PIEZO1: variants seen among roughly 807,000 people sequenced by gnomAD.
PIEZO1 encodes the protein piezo-type mechanosensitive ion channel component 1.
Under a neutral mutation model 297.2 loss-of-function variants are expected in PIEZO1, and 296 were observed. That is an observed-to-expected ratio of 1.00 (90% confidence interval 0.91 to 1.10). The LOEUF (loss-of-function observed/expected upper bound fraction) is 1.10, where lower values mean the gene tolerates loss of function less well. Ranked by LOEUF, PIEZO1 falls within the 50% of genes least tolerant of loss-of-function variation. The probability of loss-of-function intolerance (pLI) is 0.00; values close to 1 mark genes in which losing one functional copy is unlikely to be tolerated. For missense variants in PIEZO1, 5,018 were observed against 3,455.5 expected (o/e 1.45, Z -11.34); for synonymous variants, 2,427 against 1,507.5 (o/e 1.61, Z -14.13).
chr16:88,778,655 C>T (rs1268736824), intron 1 of PIEZO1, among the ~76,000 whole-genome samples: 2 of 152,192 alleles, frequency 1.3e-5, no homozygotes, highest in Non-Finnish European at 2.9e-5. Context: ...CCCCATGGGC[C>T]CGGCACCAGC....
rs1220937049 is a variant in PIEZO1, at chr16:88,733,709, A to C, written c.2366T>G (p.Leu789Arg). ...AKWGLVAERL[L>R]ELAAGFSDVL... ...GTCCGAGAAGCCGGCTGCCAGCTCC[A>C]GCAGCCGCTCAGCCACCAGGCCCCA... The change falls in exon 18 of 51, where the codon CTG becomes CGG. Residue 789 changes from leucine (L) to arginine (R), a missense_variant. Transcript: ENST00000301015. 3 of 1,548,438 alleles carry C rather than the reference A, an allele frequency of 1.9e-6. No individual in the cohort carries two copies. The highest frequency in any genetic ancestry group is 2.6e-6 in the Non-Finnish European group (3 of 1,145,908).
At position 88,732,737 on chromosome 16, in the gene PIEZO1, C is replaced by G; in HGVS notation, c.2665-5G>C. On this transcript the variant is annotated splice_polypyrimidine_tract_variant and splice_region_variant and intron_variant, in intron 19 of 50. Transcript: ENST00000301015. ...GTTGGTGCTGTTGGGGAAGGGCTGG[C>G]AAGAGGCCAGGCATCAGTGCCCCCT... The G allele has an allele frequency of 6.5e-7, 1 of 1,542,222 alleles. No individual in the cohort carries two copies. The highest frequency in any genetic ancestry group is 8.8e-7 in the Non-Finnish European group (1 of 1,142,274).
chr16:88,716,381 C>G lies in PIEZO1; in HGVS notation c.7029G>C (p.Glu2343Asp). 2 of 1,545,420 alleles carry G rather than the reference C, an allele frequency of 1.3e-6. No individual in the cohort carries two copies. Among genetic ancestry groups the G allele is most frequent in the African/African-American group, 1.4e-5 (1 of 73,096 alleles). The part of the protein sequence containing the change: ...TARRQLASLL[E>D]GTSDQSVVIP... ...CTCACACAGACTGGTCCGAGGTGCCCTCGAGCAGGCTGGCCAGCTGCCGCC... is the reference window on the plus strand; with the variant it reads ...CTCACACAGACTGGTCCGAGGTGCCGTCGAGCAGGCTGGCCAGCTGCCGCC... The change falls in exon 48 of 51, where the codon GAG (glutamate) becomes GAC (aspartate). Residue 2343 changes from glutamate to aspartate, a missense_variant. By Grantham distance (45) the Glu-to-Asp change is conservative. Transcript: ENST00000301015.
rs992621550 is a variant in PIEZO1, at chr16:88,721,954, G to A, written c.5068C>T (p.Leu1690Phe). 77 of 1,550,016 alleles carry A rather than the reference G, an allele frequency of 5.0e-5. No individual in the cohort carries two copies. Among genetic ancestry groups the A allele is most frequent in the Admixed American group, 3.5e-4 (18 of 50,990 alleles). ...YQCVAAHSEL[L>F]CYFIIILNHM... ...TTGAGGATGATGATGAAGTAGCAGAGCAGCTCCGAGTGGGCGGCCACACAC... is the reference window on the plus strand; with the variant it reads ...TTGAGGATGATGATGAAGTAGCAGAACAGCTCCGAGTGGGCGGCCACACAC... The change falls in exon 37 of 51, where the codon CTC (leucine) becomes TTC (phenylalanine). Residue 1690 changes from leucine to phenylalanine, a missense_variant. Leu to Phe is a conservative substitution (Grantham distance 22). Transcript: ENST00000301015.
intron 44 of PIEZO1, 85 bp from the exon 45 acceptor site, chr16:88,717,296 C>G (rs1912119998): frequency 1.6e-6 from 2 of 1,258,892 alleles, no homozygotes; most frequent in East Asian, 5.1e-5. Context: ...ACCCAGCAGC[C>G]CAGAAAAGCC....
At chr16:88,730,593 A>C (rs1904736089) in intron 22 of PIEZO1, among the ~76,000 whole-genome samples, 1 of 76,436 alleles carries the variant, frequency 1.3e-5, no homozygotes, top group Non-Finnish European at 2.3e-5. Context: ...GCAAGACTCC[A>C]TCTCAAAAAA....
rs907095803 is a variant in PIEZO1, at chr16:88,716,064, C to T, written c.7185G>A (p.Ala2395=). The change falls in exon 50 of 51, where the codon GCG becomes GCA. Residue 2395 remains alanine (A), a synonymous_variant. Transcript: ENST00000301015. ...VRIQLRREQG[A]GATGFLEWWV... is the part of the protein sequence containing the mutation. ...ACCATTCGAGGAAGCCGGTGGCCCC[C>T]GCACCCTGCTCCCTCCGCAGCTGGA... 39 of 1,550,046 alleles carry T rather than the reference C, an allele frequency of 2.5e-5. No homozygotes were observed. Among genetic ancestry groups the T allele is most frequent in the Non-Finnish European group, 3.1e-5 (35 of 1,146,876 alleles).
intron 1 of PIEZO1, among the ~76,000 whole-genome samples, chr16:88,776,925 G>C (rs896277849): frequency 6.6e-6 from 1 of 152,200 alleles, no homozygotes; most frequent in African/African-American, 2.4e-5. Context: ...TTCTTGGCAG[G>C]GACTAGAAGG....
In PIEZO1 at chr16:88,749,507, C is replaced by T. The variant is rs145849279; in HGVS notation, c.65-28G>A. On this transcript the variant is annotated intron_variant, in intron 1 of 50. Transcript: ENST00000301015. Reference sequence around the variant, plus strand: ...GCGGGGAGATGGGCGTTAACTAGGTCGCCAACAGAGGATGGCCAGCCCCAC... The same window carrying T: ...GCGGGGAGATGGGCGTTAACTAGGTTGCCAACAGAGGATGGCCAGCCCCAC... 6,831 of 1,496,196 alleles carry T rather than the reference C, an allele frequency of 4.6e-3. 25 individuals carry two copies. Among genetic ancestry groups the T allele is most frequent in the African/African-American group, 9.2e-3 (660 of 71,802 alleles). The allele number at this position is 1,496,196 out of a possible 1,614,324, so 92.7% of individuals were successfully genotyped here.
intron 1 of PIEZO1, among the ~76,000 whole-genome samples, chr16:88,772,753 T>C (rs1176647805): frequency 7.2e-6 from 1 of 138,920 alleles, no homozygotes; most frequent in Non-Finnish European, 1.5e-5. Context: ...CATTCCAGCC[T>C]GGCCAAAGAG....
At chr16:88,727,812 T>G in intron 22 of PIEZO1, 151 bp from the exon 23 acceptor site, 4 of 443,212 alleles carry the variant, frequency 9.0e-6, no homozygotes, top group Non-Finnish European at 8.1e-6. Context: ...CTGACAGCTC[T>G]AGTGTCCTGT....
intron 45 of PIEZO1, 59 bp downstream of exon 45, chr16:88,716,964 C>T (rs149850428): frequency 5.8e-6 from 9 of 1,545,912 alleles, no homozygotes; most frequent in Admixed American, 3.9e-5. Flanking sequence ...GGGTGGTGCA[C>T]CACCTTGGCC....
chr16:88,724,701 A>T (rs1370444285), intron 30 of PIEZO1, among the ~76,000 whole-genome samples: 5 of 152,156 alleles, frequency 3.3e-5, no homozygotes, highest in Non-Finnish European at 1.5e-5. Context: ...TCTCAAAAAG[A>T]AACAAAAACA....
chr16:88,784,024 A>T (rs1908055074), intron 1 of PIEZO1, among the ~76,000 whole-genome samples: 1 of 152,168 alleles, frequency 6.6e-6, no homozygotes, highest in Non-Finnish European at 1.5e-5. Context: ...ACACGTGGGG[A>T]GCCCCCGGGC....
At position 88,715,595 on chromosome 16, in the gene PIEZO1, G is replaced by T. The variant is rs1330392316; in HGVS notation, c.*10C>A. The T allele has an allele frequency of 6.5e-7, 1 of 1,547,448 alleles. No individual in the cohort carries two copies. Among genetic ancestry groups the T allele is most frequent in the Non-Finnish European group, 8.7e-7 (1 of 1,145,440 alleles). ...CCGGCTCCTTCCCTCTCGGGCGCCA[G>T]CAGCAGCTCCTACTCCTTCTCACGA... is the stretch of plus-strand genomic sequence containing the variant. On this transcript the variant is annotated 3_prime_UTR_variant, in exon 51 of 51. Transcript: ENST00000301015.
chr16:88,750,229 A>G (rs1469211440), intron 1 of PIEZO1, among the ~76,000 whole-genome samples: 1 of 150,162 alleles, frequency 6.7e-6, no homozygotes, highest in South Asian at 2.1e-4. Context: ...CCAGCTACTC[A>G]GGAGGCTGAG....
At chr16:88,726,520 T>TC in intron 26 of PIEZO1, 27 bp downstream of exon 26, 2 of 1,545,766 alleles carry the variant, frequency 1.3e-6, no homozygotes, top group Non-Finnish European at 1.7e-6. Flanking sequence ...CCCCACGCCC[T>TC]CCCCCGCCAC....
intron 1 of PIEZO1, among the ~76,000 whole-genome samples, chr16:88,775,266 G>A (rs1208572156): frequency 6.6e-6 from 1 of 152,246 alleles, no homozygotes; most frequent in Non-Finnish European, 1.5e-5. Flanking sequence ...GGACACAGAG[G>A]ATGCCGGGGC....
At chr16:88,720,802 A>G in intron 39 of PIEZO1, 54 bp from the exon 40 acceptor site, 1 of 1,446,420 alleles carries the variant, frequency 6.9e-7, no homozygotes. Flanking sequence ...GGCCTGGCTC[A>G]TGGCTCCTGA....
Sources: allele counts gnomAD v4.1 joint callset (sites outside exome capture counted in the v4.1 genomes callset), GRCh38; gene constraint gnomAD v4.1.1; transcripts MANE v1.5; gene names NCBI Gene and HGNC (gene_info 2026-07-23, HGNC 2026-07-21).